Variants in SPOCK3 observed in about 807,000 individuals in gnomAD.
The protein encoded by SPOCK3 is SPARC (osteonectin), cwcv and kazal like domains proteoglycan 3, also known as testican-3.
In SPOCK3, 30 loss-of-function variants were observed where a neutral mutation model predicts 56.6. That is an observed-to-expected ratio of 0.53 (90% CI 0.40 to 0.72). The LOEUF is 0.72. Ranked by LOEUF, SPOCK3 falls within the 30% of genes least tolerant of loss-of-function variation. The pLI is 0.00. For synonymous variants in SPOCK3, 196 were observed against 183.3 expected, an observed-to-expected ratio of 1.07 and a Z score of -0.56; for missense variants, 527 against 530.0, an observed-to-expected ratio of 0.99 and a Z score of 0.06.
chr4:166,974,282 G>T (rs1745707589), intron 4 of SPOCK3, among the ~76,000 whole-genome samples: 1 of 151,992 alleles, frequency 6.6e-6, no homozygotes, highest in Non-Finnish European at 1.5e-5. Context: ...TGGTTATGAA[G>T]GATTTTTTTA....
intron 4 of SPOCK3, among the ~76,000 whole-genome samples, chr4:166,972,890 G>A (rs184672179): frequency 2.0e-5 from 3 of 152,260 alleles, no homozygotes; most frequent in Admixed American, 1.3e-4. Context: ...TCACACTAAA[G>A]TAATTCAGTA....
intron 9 of SPOCK3, among the ~76,000 whole-genome samples, chr4:166,739,647 A>G (rs1204219033): frequency 6.6e-6 from 1 of 151,620 alleles, no homozygotes; most frequent in Non-Finnish European, 1.5e-5. Flanking sequence ...TTTAATAAGT[A>G]CTCCAACACC....
chr4:166,772,481 G>T (rs1739059883), intron 7 of SPOCK3, among the ~76,000 whole-genome samples: 1 of 152,022 alleles, frequency 6.6e-6, no homozygotes, highest in Admixed American at 6.6e-5. Flanking sequence ...TAATAATGGT[G>T]AAGAAATTGC....
chr4:166,735,524 A>G (rs1232747667), intron 10 of SPOCK3, among the ~76,000 whole-genome samples: 4 of 152,092 alleles, frequency 2.6e-5, no homozygotes, highest in Non-Finnish European at 5.9e-5. Flanking sequence ...TGGTTAAGTA[A>G]AGGAATTTGA....
Position 166,784,546 on chromosome 4 carries a change from A to G in SPOCK3, c.709+7624T>C, listed in dbSNP as rs10010584. On this transcript the variant is annotated intron_variant, in intron 7 of 10. Coordinates refer to ENST00000357545, the MANE Select transcript of SPOCK3 (RefSeq NM_001040159.2). ...AGCAATGATATGGATCTCTCATTTTATTACTTGAAATAAGAAAATTTATCT... is the reference window on the plus strand; with the variant it reads ...AGCAATGATATGGATCTCTCATTTTGTTACTTGAAATAAGAAAATTTATCT... Among the ~76,000 whole-genome samples the G allele has an allele frequency of 6.4e-3, 973 of 152,224 alleles. 11 individuals are homozygous for G. The highest frequency in any genetic ancestry group is 0.022 in the African/African-American group (898 of 41,578).
intron 3 of SPOCK3, among the ~76,000 whole-genome samples, chr4:167,059,280 A>G (rs1179043731): frequency 6.6e-6 from 1 of 152,364 alleles, no homozygotes; most frequent in East Asian, 1.9e-4. Context: ...TCCAGAATCT[A>G]CAAAGACCTC....
chr4:166,899,403 C>T (rs530039554), intron 5 of SPOCK3, among the ~76,000 whole-genome samples: 1 of 151,910 alleles, frequency 6.6e-6, no homozygotes, highest in African/African-American at 2.4e-5. Context: ...AGTCCAAAGC[C>T]TCTATCTCCA....
At chr4:166,918,458 T>C (rs563165767) in intron 4 of SPOCK3, 2 of 151,466 alleles carry the variant, frequency 1.3e-5, no homozygotes, top group South Asian at 4.2e-4. Context: ...AGAGGTCAGA[T>C]AGGTTCAGGG....
At chr4:166,787,163 A>T (rs901575277) in intron 7 of SPOCK3, among the ~76,000 whole-genome samples, 3 of 152,236 alleles carry the variant, frequency 2.0e-5, no homozygotes, top group African/African-American at 7.2e-5. Context: ...TGGTATTTCT[A>T]GATAGTAAAA....
intron 8 of SPOCK3, among the ~76,000 whole-genome samples, chr4:166,750,108 T>C (rs998087161): frequency 2.0e-5 from 3 of 152,166 alleles, no homozygotes; most frequent in African/African-American, 7.2e-5. Flanking sequence ...TTTTAGAATT[T>C]CAAGAAAATC....
intron 4 of SPOCK3, among the ~76,000 whole-genome samples, chr4:166,990,047 G>A (rs563503513): frequency 6.6e-6 from 1 of 152,262 alleles, no homozygotes; most frequent in Admixed American, 6.5e-5. Context: ...GTTTTGACAA[G>A]CAAGAAGTAA....
intron 10 of SPOCK3, among the ~76,000 whole-genome samples, chr4:166,735,996 C>T (rs1734182377): frequency 6.6e-6 from 1 of 152,066 alleles, no homozygotes; most frequent in Non-Finnish European, 1.5e-5. Flanking sequence ...TGTGTATTGA[C>T]TTTTCAACTC....
chr4:167,117,941 T>C (rs972161678), intron 2 of SPOCK3, among the ~76,000 whole-genome samples: 2 of 152,172 alleles, frequency 1.3e-5, no homozygotes, highest in Middle Eastern at 3.2e-3. Flanking sequence ...TCCACTTTGG[T>C]AGCACAGCAG....
At chr4:166,965,519 C>A (rs1317587960) in intron 4 of SPOCK3, among the ~76,000 whole-genome samples, 2 of 151,452 alleles carry the variant, frequency 1.3e-5, no homozygotes, top group South Asian at 2.1e-4. Context: ...TATCATCAAG[C>A]CTTCACTGTT....
intron 4 of SPOCK3, among the ~76,000 whole-genome samples, chr4:166,984,236 T>G (rs1746894414): frequency 6.6e-6 from 1 of 152,096 alleles, no homozygotes; most frequent in African/African-American, 2.4e-5. Flanking sequence ...TTATTCATCT[T>G]TATAATGATA....
chr4:166,967,052 C>T (rs147204596), intron 4 of SPOCK3, among the ~76,000 whole-genome samples: 149 of 152,266 alleles, frequency 9.8e-4, no homozygotes, highest in African/African-American at 3.2e-3. Flanking sequence ...TGCATCTTCT[C>T]TATTTGGTCA....
chr4:167,180,597 A>G (rs761875847), intron 2 of SPOCK3, among the ~76,000 whole-genome samples: 2 of 152,224 alleles, frequency 1.3e-5, no homozygotes, highest in African/African-American at 2.4e-5. Flanking sequence ...TATGCACACA[A>G]TGATGAATCA....
At chr4:167,064,549 A>C (rs1424969787) in intron 2 of SPOCK3, among the ~76,000 whole-genome samples, 1 of 151,796 alleles carries the variant, frequency 6.6e-6, no homozygotes, top group Non-Finnish European at 1.5e-5. Flanking sequence ...AATGTATCTT[A>C]CTATTTGAGG....
At chr4:166,954,963 A>C (rs11943574) in intron 4 of SPOCK3, among the ~76,000 whole-genome samples, 87,750 of 151,916 alleles carry the variant, frequency 0.58, 27,192 homozygotes, top group East Asian at 0.85. Flanking sequence ...TCTGAGACTC[A>C]TCATTGTTGA....
Sources: gnomAD v4.1 joint callset for allele counts (sites outside exome capture counted in the v4.1 genomes callset) on GRCh38, gnomAD v4.1.1 for gene constraint, MANE v1.5 for transcripts, NCBI Gene and HGNC (gene_info 2026-07-23, HGNC 2026-07-21) for gene names.